Variants in RYR3 observed in about 807,000 individuals in gnomAD.
The protein encoded by RYR3 is ryanodine receptor 3.
In RYR3, 207 loss-of-function variants were observed where a neutral mutation model predicts 584.3. The observed-to-expected ratio is 0.35, with a 90% CI of 0.32 to 0.40. The LOEUF is 0.40. Ranked by LOEUF, RYR3 falls within the 10% of genes least tolerant of loss-of-function variation. The pLI is 1.00. For synonymous variants in RYR3, 2,416 were observed against 2,248.5 expected (o/e 1.07, Z -2.11); for missense variants, 5,616 against 6,089.2 (o/e 0.92, Z 2.59).
chr15:33,530,627 C>T lies in RYR3; in HGVS notation c.315C>T (p.Tyr105=), dbSNP rs537373426. Residue 105 remains tyrosine (Y), a synonymous_variant, in exon 4 of 104, where the codon TAC becomes TAT. Coordinates refer to ENST00000634891, the MANE Select transcript of RYR3 (RefSeq NM_001036.6). The part of the protein sequence containing the change: ...AQGGGHRTLL[Y]GHAVLLRHSF... ...GAGGTGGCCACAGGACCCTGTTATA[C>T]GGCCATGCAGTTCTCCTGAGGCACT... is the stretch of plus-strand genomic sequence containing the variant. The T allele has an allele frequency of 3.6e-5, 58 of 1,613,506 alleles. 1 individual carries two copies. The South Asian group carries it at 3.8e-4, about 11-fold the overall frequency.
rs564570636 is a variant in RYR3, at chr15:33,484,999, A to G, written c.171+11461A>G. The stretch of plus-strand genomic sequence containing the variant: ...GTGAATACAGAAAATGTTTATTAAA[A>G]AGAGAGGAGGGCCTGGGAAATGTCA... On this transcript the variant is annotated intron_variant, in intron 2 of 103. Coordinates refer to ENST00000634891, the MANE Select transcript of RYR3 (RefSeq NM_001036.6). Among the ~76,000 whole-genome samples, 97 of 152,358 alleles carry G rather than the reference A, an allele frequency of 6.4e-4. 3 individuals carry two copies. In the South Asian group the frequency reaches 0.02, roughly 31 times the overall value.
chr15:33,566,215 A>C (rs905213969), intron 11 of RYR3, among the ~76,000 whole-genome samples: 5 of 152,244 alleles, frequency 3.3e-5, no homozygotes, highest in African/African-American at 1.2e-4. Context: ...AACTCAGTGT[A>C]GTTGGCCTTC....
intron 19 of RYR3, among the ~76,000 whole-genome samples, chr15:33,623,523 T>C (rs2060831718): frequency 6.6e-6 from 1 of 152,196 alleles, no homozygotes; most frequent in African/African-American, 2.4e-5. Flanking sequence ...ATTTACCTAT[T>C]AGAGTACAGA....
intron 66 of RYR3, among the ~76,000 whole-genome samples, chr15:33,786,781 G>T (rs779882463): frequency 3.5e-4 from 53 of 152,230 alleles, no homozygotes; most frequent in South Asian, 8.3e-4. Flanking sequence ...GAAAACAATG[G>T]CTAAGCTAAA....
At chr15:33,507,908 A>T (rs1210407048) in intron 3 of RYR3, among the ~76,000 whole-genome samples, 1 of 152,178 alleles carries the variant, frequency 6.6e-6, no homozygotes, top group Non-Finnish European at 1.5e-5. Context: ...TTGAAAATAA[A>T]AGTATTGGTT....
At chr15:33,479,486 C>CTTT (rs376160496) in intron 2 of RYR3, among the ~76,000 whole-genome samples, 17,334 of 135,698 alleles carry the variant, frequency 0.13, 3,047 homozygotes, top group African/African-American at 0.39. Context: ...GAGATTTTGA[C>CTTT]TTTTTTTTTT....
intron 43 of RYR3, among the ~76,000 whole-genome samples, chr15:33,708,036 A>G (rs1404592969): frequency 6.6e-6 from 1 of 152,072 alleles, no homozygotes. Flanking sequence ...CACCCAGCCA[A>G]CTTCCTAATC....
intron 1 of RYR3, among the ~76,000 whole-genome samples, chr15:33,336,838 G>A (rs1971153738): frequency 1.3e-5 from 2 of 151,238 alleles, no homozygotes; most frequent in South Asian, 2.1e-4. Context: ...GGCGGATCAC[G>A]AGGTCAGGAG....
intron 87 of RYR3, 44 bp downstream of exon 87, chr15:33,835,116 T>G: frequency 7.0e-7 from 1 of 1,427,442 alleles, no homozygotes; most frequent in Non-Finnish European, 9.8e-7. Flanking sequence ...TGTGAAATGC[T>G]AAGTCAGTCC....
rs188071106 is a variant in RYR3 at position 33,621,976 on chromosome 15, C to T, written c.2358-1831C>T. On this transcript the variant is annotated intron_variant, in intron 19 of 103. Transcript: ENST00000634891. ...ACTTTTCTCCGTTTACCTCATCCCC[C>T]TCCACACATACACTCAGTCCATGAG... is the stretch of plus-strand genomic sequence containing the variant. Among the ~76,000 whole-genome samples the T allele has an allele frequency of 3.4e-4, 52 of 152,256 alleles. No homozygotes were observed. In the East Asian group the frequency reaches 9.3e-3, roughly 27 times the overall value.
chr15:33,838,319 G>C lies in RYR3; in HGVS notation c.12339G>C (p.Glu4113Asp). 6.2e-7 allele frequency: 1 copy of C among 1,613,968 alleles called. No individual in the cohort carries two copies. Among genetic ancestry groups the C allele is most frequent in the South Asian group, 1.1e-5 (1 of 91,076 alleles). The change falls in exon 89 of 104, where the codon GAG becomes GAC. Residue 4113 changes from glutamate to aspartate, a missense_variant. Physicochemically the swap from Glu to Asp is conservative, Grantham distance 45. This residue lies in a region of RYR3 where 258 missense variants were observed against 297.3 expected (regional missense o/e 0.87). Coordinates refer to ENST00000634891, the MANE Select transcript of RYR3 (RefSeq NM_001036.6). ...SESDSADRPE[E>D]EEEDEDSSYV... Reference sequence around the variant, plus strand: ...CCGATTCAGCTGACAGGCCAGAAGAGGAGGAAGAAGATGAAGATTCTTCTT... The same window carrying C: ...CCGATTCAGCTGACAGGCCAGAAGACGAGGAAGAAGATGAAGATTCTTCTT...
At chr15:33,509,826 G>C (rs977827054) in intron 3 of RYR3, among the ~76,000 whole-genome samples, 1 of 152,074 alleles carries the variant, frequency 6.6e-6, no homozygotes, top group Non-Finnish European at 1.5e-5. Context: ...CCCCAGTGCC[G>C]ATGACTTTCA....
chr15:33,569,020 T>TTGTGTG (rs148231296), intron 12 of RYR3, among the ~76,000 whole-genome samples: 4 of 151,890 alleles, frequency 2.6e-5, no homozygotes, highest in Non-Finnish European at 5.9e-5. Flanking sequence ...AAGAGTATTC[T>TTGTGTG]TGTGTGTGTG....
chr15:33,694,487 A>G (rs7172825), intron 38 of RYR3, among the ~76,000 whole-genome samples: 65,198 of 151,806 alleles, frequency 0.43, 16,039 homozygotes, highest in East Asian at 0.63. Context: ...CTCGTGATCC[A>G]CCCACCTCGG....
At position 33,543,641 on chromosome 15, in the gene RYR3, T is replaced by G. The variant is rs748965632; in HGVS notation, c.666T>G (p.His222Gln). Residue 222 changes from histidine (H) to glutamine (Q), a missense_variant, in exon 8 of 104, where the codon CAT (histidine) becomes CAG (glutamine). Transcript: ENST00000634891. ...TTACAGGATACCTACTTGGTGGGCA[T>G]GTAGTACGTCTTTTCCATGGTCATG... ...SIEEGYLLGG[H>Q]VVRLFHGHDE... The G allele has an allele frequency of 6.2e-7, 1 of 1,609,952 alleles. No individual in the cohort carries two copies. Among genetic ancestry groups the G allele is most frequent in the South Asian group, 1.1e-5 (1 of 90,998 alleles).
intron 10 of RYR3, 143 bp downstream of exon 10, chr15:33,550,459 C>A: frequency 1.3e-6 from 1 of 743,218 alleles, no homozygotes; most frequent in Non-Finnish European, 2.1e-6. Context: ...ACACTTTCTT[C>A]TTTTATCTTT....
At chr15:33,420,356 C>T (rs1039669224) in intron 1 of RYR3, among the ~76,000 whole-genome samples, 2 of 152,128 alleles carry the variant, frequency 1.3e-5, no homozygotes, top group Non-Finnish European at 2.9e-5. Flanking sequence ...GTCTCAAGCC[C>T]AGGGCCTGTT....
intron 67 of RYR3, among the ~76,000 whole-genome samples, chr15:33,798,023 T>C (rs755878760): frequency 2.0e-5 from 3 of 152,210 alleles, no homozygotes; most frequent in African/African-American, 7.2e-5. Context: ...AGTCCAAAGA[T>C]AGTTGAGCTA....
At chr15:33,349,260 G>A (rs74005187) in intron 1 of RYR3, among the ~76,000 whole-genome samples, 2,075 of 152,232 alleles carry the variant, frequency 0.014, 51 homozygotes, top group African/African-American at 0.048. Flanking sequence ...CACGTTTTGT[G>A]TAGACATAAG....
Sources: allele counts gnomAD v4.1 joint callset (sites outside exome capture counted in the v4.1 genomes callset), GRCh38; gene constraint gnomAD v4.1.1; regional missense constraint gnomAD v4.1.1; transcripts MANE v1.5; gene names NCBI Gene and HGNC (gene_info 2026-07-23, HGNC 2026-07-21).